The following SPATA13 variants were observed in gnomAD, a reference collection of about 807,000 sequenced individuals.
The protein encoded by SPATA13 is spermatogenesis associated 13.
In SPATA13, 50 loss-of-function variants were observed where a neutral mutation model predicts 104.0. That is an observed-to-expected ratio of 0.48 (90% CI 0.38 to 0.61). The LOEUF (loss-of-function observed/expected upper bound fraction) is 0.61. Among genes scored for constraint, SPATA13 ranks in the 20% least tolerant of loss-of-function variants. The pLI, the probability that SPATA13 is intolerant of heterozygous loss-of-function variation, is 0.00. For synonymous variants in SPATA13, 606 were observed against 667.5 expected (o/e 0.91, Z 1.42); for missense variants, 1,524 against 1,690.6 (o/e 0.90, Z 1.73).
rs1875939630 is a variant in SPATA13 at position 24,286,329 on chromosome 13, A to G, written c.2417A>G (p.Asn806Ser). ...GTCATCCAGGTTCTGGAAGCCTCCA[A>G]CAAGGACTGGTGGTGGGGCCGCAGT... Reference protein sequence around the residue: ...GDVIQVLEASNKDWWWGRSED... With the variant: ...GDVIQVLEASSKDWWWGRSED... The change falls in exon 6 of 13, where the codon AAC (asparagine) becomes AGC (serine). Residue 806 changes from asparagine (N) to serine (S), a missense_variant. Transcript: ENST00000382108. The surrounding 1 kb of genome is among the most constrained non-coding windows in gnomAD (Gnocchi z 4.9). The G allele has an allele frequency of 1.9e-6, 3 of 1,613,428 alleles. No homozygotes were observed. The highest frequency in any genetic ancestry group is 2.7e-5 in the African/African-American group (2 of 74,902).
chr13:24,208,798 A>G (rs758841098), intron 1 of SPATA13, among the ~76,000 whole-genome samples: 7 of 152,220 alleles, frequency 4.6e-5, no homozygotes, highest in African/African-American at 7.2e-5. Flanking sequence ...GAAAGTTCAG[A>G]AAAGTTTCAG....
chr13:24,234,059 A>G (rs2138631709), intron 2 of SPATA13, among the ~76,000 whole-genome samples: 1 of 152,272 alleles, frequency 6.6e-6, no homozygotes, highest in East Asian at 1.9e-4. Context: ...TTTCTCATTA[A>G]AAATAAGGGG....
intron 1 of SPATA13, among the ~76,000 whole-genome samples, chr13:24,173,369 T>TGTGTGC (rs1883069705): frequency 1.1e-4 from 2 of 18,382 alleles, no homozygotes; most frequent in South Asian, 5.7e-3. Context: ...TAGTTGTGTG[T>TGTGTGC]GTGTGTGTGT....
chr13:24,266,047 C>A (rs927191929), intron 4 of SPATA13, among the ~76,000 whole-genome samples: 2 of 152,096 alleles, frequency 1.3e-5, no homozygotes, highest in Non-Finnish European at 2.9e-5. Flanking sequence ...ATCTCAAGAA[C>A]CTTAATGAAC....
chr13:24,249,947 A>G (rs1449202478), intron 3 of SPATA13, 105 bp downstream of exon 3: 2 of 1,453,220 alleles, frequency 1.4e-6, no homozygotes, highest in Non-Finnish European at 1.8e-6. Context: ...TCCCGTTCTC[A>G]AGGGCGGCAC....
chr13:24,175,873 C>T (rs759644373), intron 1 of SPATA13, among the ~76,000 whole-genome samples: 12 of 152,158 alleles, frequency 7.9e-5, no homozygotes, highest in Non-Finnish European at 1.5e-5. Context: ...TACTAGAAAA[C>T]ATAAATAAAT....
chr13:24,166,722 T>A (rs539462124), intron 1 of SPATA13, among the ~76,000 whole-genome samples: 68 of 152,302 alleles, frequency 4.5e-4, no homozygotes, highest in African/African-American at 1.6e-3. Flanking sequence ...ACAGAAATAT[T>A]TGAAAGCCAC....
At chr13:24,119,941 A>G (rs1880980814) in intron 3 of SPATA13, among the ~76,000 whole-genome samples, 1 of 152,214 alleles carries the variant, frequency 6.6e-6, no homozygotes, top group African/African-American at 2.4e-5. Flanking sequence ...CTTTTCCATG[A>G]GGGAGCAAAT....
intron 4 of SPATA13, 116 bp downstream of exon 4, chr13:24,251,978 T>C: frequency 7.8e-7 from 1 of 1,289,882 alleles, no homozygotes; most frequent in Non-Finnish European, 1.1e-6. Context: ...AGGGCGCGTT[T>C]GTCTGGGAGT....
chr13:24,168,329 A>G (rs1882829250), intron 1 of SPATA13, among the ~76,000 whole-genome samples: 1 of 152,204 alleles, frequency 6.6e-6, no homozygotes, highest in Non-Finnish European at 1.5e-5. Context: ...AATGACATAC[A>G]TGAAAAATAT....
At chr13:24,264,215 T>A (rs996863146) in intron 4 of SPATA13, among the ~76,000 whole-genome samples, 20 of 152,160 alleles carry the variant, frequency 1.3e-4, no homozygotes, top group African/African-American at 3.6e-4. Context: ...CAGCTAGAGT[T>A]AAAAAGTAAA....
At chr13:24,184,683 G>A (rs1869034617) in intron 1 of SPATA13, among the ~76,000 whole-genome samples, 2 of 152,094 alleles carry the variant, frequency 1.3e-5, no homozygotes, top group South Asian at 2.1e-4. Context: ...AAAGTTCAAC[G>A]CTCTGCTAAT....
chr13:24,148,524 A>G (rs951505548), intron 3 of SPATA13, among the ~76,000 whole-genome samples: 1 of 152,206 alleles, frequency 6.6e-6, no homozygotes, highest in Non-Finnish European at 1.5e-5. Context: ...CTCCCAGGGT[A>G]CCTGCAGGAG....
chr13:24,019,084 A>C (rs12430246), intron 3 of SPATA13, among the ~76,000 whole-genome samples: 47,330 of 136,498 alleles, frequency 0.35, 8,184 homozygotes, highest in East Asian at 0.55. Flanking sequence ...TCTTATTATT[A>C]TTATTATTAT....
At chr13:24,135,548 A>C (rs1269741706) in intron 3 of SPATA13, among the ~76,000 whole-genome samples, 2 of 152,008 alleles carry the variant, frequency 1.3e-5, no homozygotes, top group African/African-American at 2.4e-5. Context: ...AATACAAAAA[A>C]TTAGCCGGGC....
intron 3 of SPATA13, among the ~76,000 whole-genome samples, chr13:24,103,504 A>AAGAAAAAG (rs1880329632): frequency 8.7e-6 from 1 of 115,580 alleles, no homozygotes; most frequent in Non-Finnish European, 1.8e-5. Flanking sequence ...AAAAAAAAAC[A>AAGAAAAAG]AGAAAGAAAA....
At position 24,286,888 on chromosome 13, in the gene SPATA13, G is replaced by A. The variant is rs1042925088; in HGVS notation, c.2605G>A (p.Val869Ile). 24 of 1,613,878 alleles carry A rather than the reference G, an allele frequency of 1.5e-5. No individual in the cohort carries two copies. Among genetic ancestry groups the A allele is most frequent in the Non-Finnish European group, 1.9e-5 (23 of 1,180,006 alleles). ...CENKQQMRTN[V>I]IREIMDTERV... is the part of the protein sequence containing the mutation. ...GAACAAGCAGCAGATGCGGACCAAC[G>A]TCATCCGGGAGATCATGGACACCGA... The change falls in exon 7 of 13, where the codon GTC becomes ATC. Residue 869 changes from valine (V) to isoleucine (I), a missense_variant. This residue lies in a region of SPATA13 where 435 missense variants were observed against 554.8 expected (regional missense o/e 0.78). Transcript: ENST00000382108. The surrounding 1 kb of genome is among the most constrained non-coding windows in gnomAD (Gnocchi z 4.9).
chr13:24,260,388 TCCCACAGTGTGG>T (rs1216663231), intron 4 of SPATA13, among the ~76,000 whole-genome samples: 1 of 152,204 alleles, frequency 6.6e-6, no homozygotes, highest in Non-Finnish European at 1.5e-5. Flanking sequence ...AGCTGGCAGA[TCCCACAGTGTGG>T]CCTGCGCTTG....
At chr13:24,201,807 ATGT>A (rs1267507008) in intron 1 of SPATA13, among the ~76,000 whole-genome samples, 1 of 152,156 alleles carries the variant, frequency 6.6e-6, no homozygotes, top group Non-Finnish European at 1.5e-5. Flanking sequence ...TACCATTATG[ATGT>A]TGTACAAATA....
Sources: allele counts gnomAD v4.1 joint callset (sites outside exome capture counted in the v4.1 genomes callset), GRCh38; gene constraint gnomAD v4.1.1; regional missense constraint gnomAD v4.1.1; non-coding constraint Gnocchi (gnomAD v3.1); transcripts MANE v1.5; gene names NCBI Gene and HGNC (gene_info 2026-07-23, HGNC 2026-07-21).